TRIM2: variants seen among roughly 807,000 people sequenced by gnomAD.
The protein encoded by TRIM2 is tripartite motif containing 2.
In TRIM2, 20 loss-of-function variants were observed where a neutral mutation model predicts 75.2. That is an observed-to-expected ratio of 0.27 (90% CI 0.19 to 0.39). The LOEUF (loss-of-function observed/expected upper bound fraction) is 0.39, where lower values mean the gene tolerates loss of function less well. TRIM2 is among the 10% of genes least tolerant of loss of function. The probability of loss-of-function intolerance (pLI) is 1.00; values close to 1 mark genes in which losing one functional copy is unlikely to be tolerated. For missense variants in TRIM2, 660 were observed against 990.8 expected (o/e 0.67, Z 4.48); for synonymous variants, 373 against 388.3 (o/e 0.96, Z 0.46).
intron 2 of TRIM2, among the ~76,000 whole-genome samples, chr4:153,273,169 T>C (rs1418813839): frequency 6.6e-6 from 1 of 152,018 alleles, no homozygotes; most frequent in Non-Finnish European, 1.5e-5. Context: ...GACAAAACTT[T>C]ACAGCTTGTC....
chr4:153,306,662 T>C (rs1254853911), intron 6 of TRIM2, among the ~76,000 whole-genome samples: 7 of 152,336 alleles, frequency 4.6e-5, no homozygotes, highest in Admixed American at 3.9e-4. Context: ...CAATTCTTAG[T>C]AGATATAATA....
chr4:153,196,247 A>G (rs1733751469), intron 1 of TRIM2, among the ~76,000 whole-genome samples: 1 of 137,254 alleles, frequency 7.3e-6, no homozygotes, highest in African/African-American at 2.6e-5. Context: ...CAACATGGCA[A>G]GACCCCATTC....
rs1579410558 is a variant in TRIM2, at chr4:153,293,229, C to T, written c.605+96C>T. ...AGGTACAAGAGTAGGTTCATATTTCCCTTGAGATATCAGGCTTTGTGGGTA... is the reference window on the plus strand; with the variant it reads ...AGGTACAAGAGTAGGTTCATATTTCTCTTGAGATATCAGGCTTTGTGGGTA... On this transcript the variant is annotated intron_variant, in intron 4 of 11. Coordinates refer to ENST00000338700, the MANE Select transcript of TRIM2 (RefSeq NM_015271.5). 7 of 1,267,262 alleles carry T rather than the reference C, an allele frequency of 5.5e-6. No individual in the cohort carries two copies. The East Asian group carries it at 1.7e-4, about 31-fold the overall frequency. 78.5% of individuals were successfully genotyped at this position (1,267,262 alleles called of 1,614,324 possible). A position where few individuals can be genotyped will look rare whatever the true frequency, so the allele number is the denominator to read the frequency against.
chr4:153,324,222 C>A, intron 10 of TRIM2, 74 bp downstream of exon 10: 1 of 1,279,878 alleles, frequency 7.8e-7, no homozygotes, highest in Non-Finnish European at 1.1e-6. Context: ...GAAAATAATG[C>A]AATACTTACA....
intron 3 of TRIM2, among the ~76,000 whole-genome samples, chr4:153,285,294 A>G (rs181679642): frequency 7.2e-5 from 11 of 152,128 alleles, no homozygotes; most frequent in African/African-American, 2.7e-4. Flanking sequence ...ATTGATCTAT[A>G]TGCCTATTCT....
At chr4:153,231,331 G>T (rs1743554092) in intron 1 of TRIM2, among the ~76,000 whole-genome samples, 1 of 152,096 alleles carries the variant, frequency 6.6e-6, no homozygotes. Flanking sequence ...GTACAATGAT[G>T]GTTCAGAAAA....
chr4:153,295,300 G>C lies in TRIM2; in HGVS notation c.787-13G>C, dbSNP rs1389785609. ...TGTGGGACGAGCTCACCAGGCCTCC[G>C]GTTTTCCCGCAGGTCCTCCAGTCGC... On this transcript the variant is annotated splice_polypyrimidine_tract_variant and intron_variant, in intron 5 of 11. Coordinates refer to ENST00000338700, the MANE Select transcript of TRIM2 (RefSeq NM_015271.5). This position sits in a 1 kb window ranked among gnomAD's most constrained non-coding sequence, Gnocchi z 7.2. The C allele has an allele frequency of 6.4e-7, 1 of 1,569,648 alleles. No individual in the cohort carries two copies. The highest frequency in any genetic ancestry group is 8.6e-7 in the Non-Finnish European group (1 of 1,158,212).
At chr4:153,181,767 C>A (rs1732085398) in intron 1 of TRIM2, among the ~76,000 whole-genome samples, 1 of 152,094 alleles carries the variant, frequency 6.6e-6, no homozygotes, top group Non-Finnish European at 1.5e-5. Flanking sequence ...AAGGCATCCC[C>A]TCTACTCAGG....
chr4:153,319,852 T>A (rs748922121), intron 8 of TRIM2, among the ~76,000 whole-genome samples: 78 of 152,128 alleles, frequency 5.1e-4, no homozygotes, highest in Admixed American at 2.0e-3. Flanking sequence ...GCAGCTAAAC[T>A]AGGAGTGATG....
intron 3 of TRIM2, among the ~76,000 whole-genome samples, chr4:153,285,913 C>T (rs1414220631): frequency 1.3e-5 from 2 of 152,006 alleles, no homozygotes; most frequent in Non-Finnish European, 1.5e-5. Context: ...TTCAGTACAC[C>T]GTTGACTAGA....
intron 1 of TRIM2, among the ~76,000 whole-genome samples, chr4:153,228,456 G>A (rs142192924): frequency 2.3e-3 from 343 of 152,332 alleles, no homozygotes; most frequent in African/African-American, 7.0e-3. Context: ...ATACAGTTTC[G>A]TAGAGGGTAT....
intron 1 of TRIM2, among the ~76,000 whole-genome samples, chr4:153,258,630 G>C (rs1271844495): frequency 6.6e-6 from 1 of 152,112 alleles, no homozygotes; most frequent in Non-Finnish European, 1.5e-5. Flanking sequence ...ATTGTCTTAA[G>C]GAAAAGACAG....
At chr4:153,300,717 G>T (rs1049954198) in intron 6 of TRIM2, among the ~76,000 whole-genome samples, 1 of 151,892 alleles carries the variant, frequency 6.6e-6, no homozygotes, top group African/African-American at 2.4e-5. Flanking sequence ...TAGAGACAGG[G>T]TTTCACCATG....
At position 153,295,408 on chromosome 4, in the gene TRIM2, G is replaced by C; in HGVS notation, c.882G>C (p.Glu294Asp). 1 of 1,614,178 alleles carries C rather than the reference G, an allele frequency of 6.2e-7. No homozygotes were observed. The highest frequency in any genetic ancestry group is 8.5e-7 in the Non-Finnish European group (1 of 1,180,002). ...FTAQALNHGT[E>D]TEVLLVKKQM... Reference sequence around the variant, plus strand: ...CGCAGGCCCTCAACCATGGCACGGAGACCGAGGTCCTACTGGTGAAGAAGC... The same window carrying C: ...CGCAGGCCCTCAACCATGGCACGGACACCGAGGTCCTACTGGTGAAGAAGC... Residue 294 changes from glutamate to aspartate, a missense_variant, in exon 6 of 12, where the codon GAG (glutamate) becomes GAC (aspartate). Glu to Asp is a conservative substitution (Grantham distance 45). Around this residue, in one of 2 missense-constraint regions of TRIM2, gnomAD observed 620 missense variants for 891.0 expected, o/e 0.70. Coordinates refer to ENST00000338700, the MANE Select transcript of TRIM2 (RefSeq NM_015271.5). This position sits in a 1 kb window ranked among gnomAD's most constrained non-coding sequence, Gnocchi z 7.2.
intron 1 of TRIM2, among the ~76,000 whole-genome samples, chr4:153,172,133 T>A (rs1264400895): frequency 1.1e-5 from 1 of 87,754 alleles, no homozygotes; most frequent in Non-Finnish European, 2.2e-5. Flanking sequence ...TCCCCTTTTA[T>A]GATAGTAATT....
intron 6 of TRIM2, among the ~76,000 whole-genome samples, chr4:153,297,563 T>G (rs942000404): frequency 6.6e-6 from 1 of 152,216 alleles, no homozygotes; most frequent in African/African-American, 2.4e-5. Context: ...AGATTATCCC[T>G]ACTACCTTTT....
At chr4:153,273,270 C>CATTTTTTTTTTTTT (rs1757187818) in intron 2 of TRIM2, among the ~76,000 whole-genome samples, 3 of 57,386 alleles carry the variant, frequency 5.2e-5, no homozygotes, top group African/African-American at 2.1e-4. Flanking sequence ...TACAGTCACT[C>CATTTTTTTTTTTTT]TTTTTTTTTT....
rs961983476 is a variant in TRIM2 at position 153,230,783 on chromosome 4, T to C, written c.30+26223T>C. Reference sequence around the variant, plus strand: ...TAGTTATGAAATTTACTGGCCCCTGTGGCACAAATCTAGAAGAACCAGCTC... The same window carrying C: ...TAGTTATGAAATTTACTGGCCCCTGCGGCACAAATCTAGAAGAACCAGCTC... On this transcript the variant is annotated intron_variant, in intron 1 of 11. Transcript: ENST00000338700. 1.1e-4 allele frequency among the ~76,000 whole-genome samples: 17 copies of C among 152,348 alleles called. No homozygotes were observed. In the East Asian group the frequency reaches 3.1e-3, roughly 28 times the overall value.
chr4:153,233,515 AT>A (rs768898244), intron 1 of TRIM2, among the ~76,000 whole-genome samples: 3 of 152,208 alleles, frequency 2.0e-5, no homozygotes, highest in African/African-American at 2.4e-5. Context: ...GATAGGACCA[AT>A]TATATCACCC....
Sources: allele counts gnomAD v4.1 joint callset (sites outside exome capture counted in the v4.1 genomes callset), GRCh38; gene constraint gnomAD v4.1.1; regional missense constraint gnomAD v4.1.1; non-coding constraint Gnocchi (gnomAD v3.1); transcripts MANE v1.5; gene names NCBI Gene and HGNC (gene_info 2026-07-23, HGNC 2026-07-21).